CSMD3: variants seen among roughly 807,000 people sequenced by gnomAD.
CSMD3 encodes CUB and sushi domain-containing protein 3.
A neutral mutation model predicts 435.2 loss-of-function variants in CSMD3; 177 were observed. That is an observed-to-expected ratio of 0.41 (90% CI 0.36 to 0.46). CSMD3 has a LOEUF of 0.46. Among genes scored for constraint, CSMD3 ranks in the 20% least tolerant of loss-of-function variants. The pLI, the probability that CSMD3 is intolerant of heterozygous loss-of-function variation, is 0.34. For synonymous variants in CSMD3, 1,656 were observed against 1,520.5 expected (o/e 1.09, Z -2.07); for missense variants, 4,265 against 4,504.6 (o/e 0.95, Z 1.52).
At chr8:113,193,137 C>T (rs1009729115) in intron 3 of CSMD3, among the ~76,000 whole-genome samples, 3 of 151,122 alleles carry the variant, frequency 2.0e-5, no homozygotes, top group Non-Finnish European at 4.4e-5. Flanking sequence ...GTGTGTGGAG[C>T]ATGTGTCAAT....
intron 4 of CSMD3, among the ~76,000 whole-genome samples, chr8:113,129,915 T>C (rs1253786284): frequency 6.6e-6 from 1 of 152,042 alleles, no homozygotes; most frequent in East Asian, 1.9e-4. Context: ...AATAATTTTA[T>C]GTTTTTATTT....
At position 112,289,239 on chromosome 8, in the gene CSMD3, T is replaced by A. The variant is rs1258527536; in HGVS notation, c.9148+126A>T. Reference sequence around the variant, plus strand: ...AATGTGTAAGCAGTGTTTCAGCTTTTCTTATGAGATTTTTCAGAGAGAAAT... The same window carrying A: ...AATGTGTAAGCAGTGTTTCAGCTTTACTTATGAGATTTTTCAGAGAGAAAT... On this transcript the variant is annotated intron_variant, in intron 57 of 70. Transcript: ENST00000297405. 2.2e-5 allele frequency: 19 copies of A among 846,898 alleles called. No homozygotes were observed. The East Asian group carries it at 4.6e-4, about 21-fold the overall frequency. The allele number at this position is 846,898 out of a possible 1,614,324, so 52.5% of individuals were successfully genotyped here.
At chr8:112,618,609 G>C (rs1833830490) in intron 22 of CSMD3, among the ~76,000 whole-genome samples, 1 of 151,960 alleles carries the variant, frequency 6.6e-6, no homozygotes, top group East Asian at 1.9e-4. Context: ...GTCTCCAAAA[G>C]CAACTGTTCA....
At chr8:112,604,496 G>A (rs4590464) in intron 22 of CSMD3, among the ~76,000 whole-genome samples, 1 of 151,844 alleles carries the variant, frequency 6.6e-6, no homozygotes, top group African/African-American at 2.4e-5. Flanking sequence ...ACAACGATCT[G>A]ATCTTTGACA....
At chr8:112,943,146 T>C (rs1396807207) in intron 9 of CSMD3, among the ~76,000 whole-genome samples, 1 of 151,768 alleles carries the variant, frequency 6.6e-6, no homozygotes, top group Admixed American at 6.6e-5. Context: ...CAATTCTGTT[T>C]TGATGTTTTG....
intron 3 of CSMD3, among the ~76,000 whole-genome samples, chr8:113,192,630 T>C (rs889197017): frequency 6.6e-6 from 1 of 151,692 alleles, no homozygotes; most frequent in African/African-American, 2.4e-5. Context: ...TTTTCTTTAA[T>C]GTTACATTTA....
intron 36 of CSMD3, among the ~76,000 whole-genome samples, chr8:112,389,920 T>A (rs936967227): frequency 6.6e-6 from 1 of 152,176 alleles, no homozygotes; most frequent in Non-Finnish European, 1.5e-5. Context: ...ATAGCCATAA[T>A]TCAAATAACA....
At chr8:113,417,442 T>A (rs2094587022) in intron 1 of CSMD3, among the ~76,000 whole-genome samples, 1 of 151,918 alleles carries the variant, frequency 6.6e-6, no homozygotes, top group Non-Finnish European at 1.5e-5. Flanking sequence ...AAGTCTGTTT[T>A]TGTGAAAGAT....
At chr8:113,425,176 T>C (rs888642094) in intron 1 of CSMD3, among the ~76,000 whole-genome samples, 1 of 151,532 alleles carries the variant, frequency 6.6e-6, no homozygotes, top group Admixed American at 6.6e-5. Flanking sequence ...AACTTACTGA[T>C]CACTGTATCC....
At chr8:112,299,345 A>G (rs544872142) in intron 53 of CSMD3, among the ~76,000 whole-genome samples, 19 of 152,120 alleles carry the variant, frequency 1.2e-4, no homozygotes, top group Non-Finnish European at 2.4e-4. Flanking sequence ...GTACTTCACT[A>G]CATACAAATT....
intron 1 of CSMD3, among the ~76,000 whole-genome samples, chr8:113,410,223 C>T (rs1336743946): frequency 2.0e-5 from 3 of 152,102 alleles, no homozygotes; most frequent in Admixed American, 2.0e-4. Context: ...AACTACCAGA[C>T]CTCGGGCAAT....
chr8:112,226,788 C>T (rs1812600505), intron 70 of CSMD3, among the ~76,000 whole-genome samples: 1 of 152,042 alleles, frequency 6.6e-6, no homozygotes, highest in Non-Finnish European at 1.5e-5. Flanking sequence ...GGCCAACAAG[C>T]ACATAAAAGG....
At chr8:112,602,317 G>A (rs1279435984) in intron 22 of CSMD3, among the ~76,000 whole-genome samples, 1 of 152,168 alleles carries the variant, frequency 6.6e-6, no homozygotes, top group Non-Finnish European at 1.5e-5. Context: ...TGTAACCCCA[G>A]CACTTTGGCA....
chr8:112,295,075 C>T (rs969983198), intron 54 of CSMD3, among the ~76,000 whole-genome samples: 4 of 151,954 alleles, frequency 2.6e-5, no homozygotes, highest in Non-Finnish European at 2.9e-5. Flanking sequence ...TCCCTAGTCC[C>T]CAGAGTTCAT....
chr8:113,324,598 C>T (rs1189072801), intron 1 of CSMD3, among the ~76,000 whole-genome samples: 1 of 152,152 alleles, frequency 6.6e-6, no homozygotes, highest in Non-Finnish European at 1.5e-5. Flanking sequence ...AAGTTTTCTG[C>T]ATGGGCAGGG....
At chr8:112,520,785 C>T (rs1824201072) in intron 27 of CSMD3, among the ~76,000 whole-genome samples, 1 of 151,858 alleles carries the variant, frequency 6.6e-6, no homozygotes, top group African/African-American at 2.4e-5. Context: ...ATATGAAGAA[C>T]ATTTCCACTC....
intron 13 of CSMD3, among the ~76,000 whole-genome samples, chr8:112,791,852 G>A (rs2078701222): frequency 6.6e-6 from 1 of 152,150 alleles, no homozygotes. Flanking sequence ...AACAGTGTAT[G>A]AGAGTTCCAG....
At chr8:112,886,605 GC>G in intron 10 of CSMD3, among the ~76,000 whole-genome samples, 1 of 151,150 alleles carries the variant, frequency 6.6e-6, no homozygotes, top group Non-Finnish European at 1.5e-5. Flanking sequence ...TATTTTTAGA[GC>G]TTTGCCTATT....
At chr8:113,284,996 A>G (rs2093636052) in intron 2 of CSMD3, among the ~76,000 whole-genome samples, 1 of 152,174 alleles carries the variant, frequency 6.6e-6, no homozygotes, top group South Asian at 2.1e-4. Flanking sequence ...AGCAAAGATA[A>G]AAACAGTAAC....
Sources: allele counts gnomAD v4.1 joint callset (sites outside exome capture counted in the v4.1 genomes callset), GRCh38; gene constraint gnomAD v4.1.1; transcripts MANE v1.5; gene names NCBI Gene and HGNC (gene_info 2026-07-23, HGNC 2026-07-21).